DCLK1: variants seen among roughly 807,000 people sequenced by gnomAD.
DCLK1 encodes the protein doublecortin like kinase 1.
DCLK1 carries 16 observed loss-of-function variants against 86.2 expected under a neutral mutation model. The ratio of observed to expected loss-of-function variants is 0.19; its 90% confidence interval spans 0.13 to 0.28. DCLK1 has a LOEUF of 0.28. Ranked by LOEUF, DCLK1 falls within the 10% of genes least tolerant of loss-of-function variation. The pLI, the probability that DCLK1 is intolerant of heterozygous loss-of-function variation, is 1.00. For synonymous variants in DCLK1, 369 were observed against 370.5 expected (o/e 1.00, Z 0.05); for missense variants, 590 against 940.2 (o/e 0.63, Z 4.87).
At chr13:36,088,683 G>A (rs549059328) in intron 3 of DCLK1, among the ~76,000 whole-genome samples, 42 of 152,288 alleles carry the variant, frequency 2.8e-4, no homozygotes, top group African/African-American at 8.4e-4. Context: ...GAGACGTGCC[G>A]GGGTTCCCGA....
chr13:35,867,326 A>G (rs1219401836), intron 5 of DCLK1, among the ~76,000 whole-genome samples: 1 of 152,228 alleles, frequency 6.6e-6, no homozygotes, highest in African/African-American at 2.4e-5. Flanking sequence ...GTGTTATATA[A>G]TTAACTTTGA....
At chr13:35,903,165 A>T (rs1874476688) in intron 4 of DCLK1, among the ~76,000 whole-genome samples, 1 of 152,090 alleles carries the variant, frequency 6.6e-6, no homozygotes, top group Non-Finnish European at 1.5e-5. Flanking sequence ...GATTGAAAGA[A>T]AGCTTTGATG....
chr13:35,860,056 T>A (rs370600023), intron 5 of DCLK1, among the ~76,000 whole-genome samples: 1 of 152,214 alleles, frequency 6.6e-6, no homozygotes, highest in African/African-American at 2.4e-5. Flanking sequence ...TGTTTCCCTG[T>A]CTTCTTTTAG....
chr13:35,774,169 T>C lies in DCLK1; in HGVS notation c.*366A>G, dbSNP rs943619976. 4.5e-5 allele frequency: 8 copies of C among 177,290 alleles called. No homozygotes were observed. In the South Asian group the frequency reaches 1.2e-3, roughly 27 times the overall value. The allele number at this position is 177,290 out of a possible 1,614,324, so 11.0% of individuals were successfully genotyped here. A position where few individuals can be genotyped will look rare whatever the true frequency, so the allele number is the denominator to read the frequency against. On this transcript the variant is annotated 3_prime_UTR_variant, in exon 17 of 17. Transcript: ENST00000360631. ...TGTATACATCCAAAGGCCTGAAAAA[T>C]TCCCAAACAAGAATTCTCAATAAAA...
chr13:35,904,543 G>C (rs1433309782), intron 4 of DCLK1, among the ~76,000 whole-genome samples: 2 of 152,168 alleles, frequency 1.3e-5, no homozygotes, highest in African/African-American at 4.8e-5. Flanking sequence ...ATCAAACATT[G>C]CACTTGCTGC....
chr13:35,966,937 A>G (rs1466897048), intron 3 of DCLK1, among the ~76,000 whole-genome samples: 3 of 147,156 alleles, frequency 2.0e-5, no homozygotes, highest in African/African-American at 5.0e-5. Context: ...CCGTCTAGGA[A>G]GTGAGGAGCG....
chr13:36,045,482 A>T (rs2153156176), intron 3 of DCLK1, among the ~76,000 whole-genome samples: 1 of 151,300 alleles, frequency 6.6e-6, no homozygotes, highest in Non-Finnish European at 1.5e-5. Context: ...CAAGCAAATT[A>T]TTGAACAAAT....
intron 3 of DCLK1, among the ~76,000 whole-genome samples, chr13:35,983,850 C>A (rs566409750): frequency 3.9e-5 from 6 of 152,256 alleles, no homozygotes; most frequent in South Asian, 4.2e-4. Context: ...TTGACTTGAC[C>A]TCCTTGAACA....
intron 6 of DCLK1, chr13:35,849,977 T>C (rs1870491425): frequency 2.1e-6 from 2 of 964,222 alleles, no homozygotes; most frequent in Non-Finnish European, 2.5e-6. Flanking sequence ...GTTCTTCATA[T>C]TGGCATATAG....
chr13:36,078,563 C>T (rs1884298449), intron 3 of DCLK1, among the ~76,000 whole-genome samples: 1 of 152,100 alleles, frequency 6.6e-6, no homozygotes, highest in South Asian at 2.1e-4. Flanking sequence ...AAGTGGTTTA[C>T]AAATTGTAGA....
intron 4 of DCLK1, among the ~76,000 whole-genome samples, chr13:35,936,483 G>A (rs1195956050): frequency 6.6e-6 from 1 of 152,208 alleles, no homozygotes; most frequent in Non-Finnish European, 1.5e-5. Flanking sequence ...TAGACAGAAA[G>A]CAGATCTATG....
chr13:35,997,398 C>A (rs368353723), intron 3 of DCLK1, among the ~76,000 whole-genome samples: 3 of 152,300 alleles, frequency 2.0e-5, no homozygotes, highest in East Asian at 3.9e-4. Context: ...ATCTCAAAAA[C>A]TTGCTTTGGA....
At chr13:35,791,025 G>A (rs1365755433) in intron 16 of DCLK1, among the ~76,000 whole-genome samples, 1 of 152,130 alleles carries the variant, frequency 6.6e-6, no homozygotes, top group African/African-American at 2.4e-5. Flanking sequence ...CCTCAGCCAG[G>A]TTCTTCTAGA....
intron 16 of DCLK1, among the ~76,000 whole-genome samples, chr13:35,777,957 C>T (rs1043403026): frequency 6.6e-6 from 1 of 152,224 alleles, no homozygotes; most frequent in African/African-American, 2.4e-5. Context: ...GTTTTCCCTA[C>T]CACTTTGTAG....
intron 4 of DCLK1, among the ~76,000 whole-genome samples, chr13:35,881,857 C>T (rs1264129521): frequency 6.6e-6 from 1 of 152,134 alleles, no homozygotes; most frequent in Non-Finnish European, 1.5e-5. Context: ...TAACAGTTCA[C>T]AAGGGAAAGA....
At chr13:35,923,415 G>C (rs891738871) in intron 4 of DCLK1, among the ~76,000 whole-genome samples, 6 of 151,806 alleles carry the variant, frequency 4.0e-5, no homozygotes, top group Admixed American at 6.6e-5. Flanking sequence ...CTGTTGAAGG[G>C]CATCTGAGTC....
chr13:35,811,417 C>G (rs2087140768), intron 11 of DCLK1, among the ~76,000 whole-genome samples: 1 of 151,572 alleles, frequency 6.6e-6, no homozygotes, highest in South Asian at 2.1e-4. Flanking sequence ...TTTTCTTAAT[C>G]CTTTTGTTTA....
At chr13:35,958,219 C>T (rs1036030727) in intron 3 of DCLK1, among the ~76,000 whole-genome samples, 1 of 80,688 alleles carries the variant, frequency 1.2e-5, no homozygotes, top group Non-Finnish European at 2.7e-5. Flanking sequence ...ACCATCACCA[C>T]CACCACTATA....
chr13:35,930,981 CTTTAACAT>C (rs1424632371), intron 4 of DCLK1, among the ~76,000 whole-genome samples: 1 of 152,164 alleles, frequency 6.6e-6, no homozygotes, highest in African/African-American at 2.4e-5. Flanking sequence ...TAAATAAACT[CTTTAACAT>C]TTTAATGTGT....
Sources: gnomAD v4.1 joint callset for allele counts (sites outside exome capture counted in the v4.1 genomes callset) on GRCh38, gnomAD v4.1.1 for gene constraint, MANE v1.5 for transcripts, NCBI Gene and HGNC (gene_info 2026-07-23, HGNC 2026-07-21) for gene names.